GPC5: variants seen among roughly 807,000 people sequenced by gnomAD.
GPC5 encodes glypican 5.
A neutral mutation model predicts 53.9 loss-of-function variants in GPC5; 47 were observed. The ratio of observed to expected loss-of-function variants is 0.87; its 90% CI spans 0.69 to 1.11. The LOEUF (loss-of-function observed/expected upper bound fraction) is 1.11, where lower values mean the gene tolerates loss of function less well. Among genes scored for constraint, GPC5 ranks in the 50% most tolerant of loss-of-function variants. The pLI is 0.00. For synonymous variants in GPC5, 286 were observed against 263.3 expected (o/e 1.09, Z -0.84); for missense variants, 748 against 713.1 (o/e 1.05, Z -0.56).
chr13:92,456,627 C>T (rs759411049), intron 7 of GPC5, among the ~76,000 whole-genome samples: 29 of 152,116 alleles, frequency 1.9e-4, no homozygotes, highest in Non-Finnish European at 3.8e-4. Context: ...CCCTTGTGAG[C>T]GTGGGTCTCT....
chr13:91,463,337 G>T (rs1285954778), intron 2 of GPC5, among the ~76,000 whole-genome samples: 2 of 151,998 alleles, frequency 1.3e-5, no homozygotes, highest in Non-Finnish European at 2.9e-5. Flanking sequence ...TACATGGTTG[G>T]TTGAATCCAT....
At chr13:91,414,754 C>T (rs1446048675) in intron 1 of GPC5, among the ~76,000 whole-genome samples, 1 of 152,196 alleles carries the variant, frequency 6.6e-6, no homozygotes, top group African/African-American at 2.4e-5. Flanking sequence ...AAGGGAGAAA[C>T]TGACCATACT....
At chr13:92,184,433 A>AG (rs1413058387) in intron 7 of GPC5, among the ~76,000 whole-genome samples, 1 of 152,162 alleles carries the variant, frequency 6.6e-6, no homozygotes, top group Non-Finnish European at 1.5e-5. Context: ...TGAGGGTCTC[A>AG]GCTTTAGGGA....
intron 2 of GPC5, among the ~76,000 whole-genome samples, chr13:91,502,789 A>C (rs967720264): frequency 1.3e-5 from 2 of 152,152 alleles, no homozygotes; most frequent in Admixed American, 6.6e-5. Context: ...CCTTACCTTC[A>C]TTAGGGAAAT....
At chr13:91,732,879 A>G (rs1262296236) in intron 4 of GPC5, among the ~76,000 whole-genome samples, 1 of 152,012 alleles carries the variant, frequency 6.6e-6, no homozygotes, top group Non-Finnish European at 1.5e-5. Context: ...CCATTGGTCT[A>G]TATATTTGTT....
chr13:92,464,790 G>C (rs915376370), intron 7 of GPC5, among the ~76,000 whole-genome samples: 1 of 151,874 alleles, frequency 6.6e-6, no homozygotes, highest in African/African-American at 2.4e-5. Flanking sequence ...CTCAACGTGT[G>C]TTTGTTTATG....
At chr13:91,961,857 G>C (rs930914525) in intron 6 of GPC5, among the ~76,000 whole-genome samples, 17 of 152,050 alleles carry the variant, frequency 1.1e-4, no homozygotes, top group Admixed American at 1.0e-3. Context: ...TGATTGATGA[G>C]GAGGGAGACG....
At chr13:91,626,233 T>C (rs2033996913) in intron 2 of GPC5, among the ~76,000 whole-genome samples, 1 of 152,152 alleles carries the variant, frequency 6.6e-6, no homozygotes, top group Non-Finnish European at 1.5e-5. Flanking sequence ...TTTGTTACAC[T>C]GAACACAAAT....
At chr13:92,630,922 A>G (rs1885215218) in intron 7 of GPC5, among the ~76,000 whole-genome samples, 1 of 152,144 alleles carries the variant, frequency 6.6e-6, no homozygotes, top group South Asian at 2.1e-4. Context: ...TGGCAATATT[A>G]AAGATGAGGC....
chr13:91,745,440 G>A (rs369630111), intron 4 of GPC5, among the ~76,000 whole-genome samples: 1 of 60,404 alleles, frequency 1.7e-5, no homozygotes, highest in South Asian at 6.1e-4. Flanking sequence ...GGGTCTCTAA[G>A]GAGCCCACTC....
At chr13:92,420,036 A>G (rs1021404235) in intron 7 of GPC5, among the ~76,000 whole-genome samples, 1 of 152,098 alleles carries the variant, frequency 6.6e-6, no homozygotes, top group African/African-American at 2.4e-5. Context: ...TCTGTCTCCA[A>G]TTTGTTTCCA....
chr13:92,790,826 C>T (rs536478436), intron 7 of GPC5, among the ~76,000 whole-genome samples: 62 of 152,134 alleles, frequency 4.1e-4, no homozygotes, highest in South Asian at 1.5e-3. Context: ...ATTTGATTCT[C>T]CCTATGTGGT....
chr13:92,286,551 A>G (rs960188443), intron 7 of GPC5, among the ~76,000 whole-genome samples: 1 of 152,178 alleles, frequency 6.6e-6, no homozygotes, highest in African/African-American at 2.4e-5. Context: ...AATACTATAC[A>G]GCCATCAAAA....
chr13:92,471,250 C>T lies in GPC5; in HGVS notation c.1561+326261C>T, dbSNP rs1878899301. 2.0e-5 allele frequency among the ~76,000 whole-genome samples: 3 copies of T among 152,136 alleles called. No individual in the cohort carries two copies. In the South Asian group the frequency reaches 6.2e-4, roughly 32 times the overall value. On this transcript the variant is annotated intron_variant, in intron 7 of 7. Coordinates refer to ENST00000377067, the MANE Select transcript of GPC5 (RefSeq NM_004466.6). ...GTATTTCTTTATTTTTATTTTATAGCTTTCTATAGTTTTAATCATGTTTTT... is the reference window on the plus strand; with the variant it reads ...GTATTTCTTTATTTTTATTTTATAGTTTTCTATAGTTTTAATCATGTTTTT...
chr13:92,786,884 A>G (rs1176016506), intron 7 of GPC5, among the ~76,000 whole-genome samples: 2 of 152,100 alleles, frequency 1.3e-5, no homozygotes, highest in African/African-American at 4.8e-5. Context: ...AGCCAGATAC[A>G]CCGCATTCCA....
chr13:91,898,178 G>T (rs1469379734), intron 5 of GPC5, among the ~76,000 whole-genome samples: 1 of 152,054 alleles, frequency 6.6e-6, no homozygotes, highest in Non-Finnish European at 1.5e-5. Flanking sequence ...TATAAGAAAA[G>T]ATTATTTGTA....
At position 92,435,966 on chromosome 13, in the gene GPC5, C is replaced by T. The variant is rs919344796; in HGVS notation, c.1561+290977C>T. On this transcript the variant is annotated intron_variant, in intron 7 of 7. Transcript: ENST00000377067. ...GTACATGTAGGAACTATTAATGACT[C>T]TCTTTAAGATTTATATTTTTAATCA... Among the ~76,000 whole-genome samples the T allele has an allele frequency of 2.6e-5, 4 of 152,254 alleles. No homozygotes were observed. In the South Asian group the frequency reaches 6.2e-4, roughly 24 times the overall value.
At chr13:92,659,973 A>G (rs117777575) in intron 7 of GPC5, among the ~76,000 whole-genome samples, 4,596 of 152,302 alleles carry the variant, frequency 0.03, 99 homozygotes, top group East Asian at 0.082. Context: ...CTGCTTGTAT[A>G]TGAAACCATC....
At chr13:92,169,184 G>A (rs1566467077) in intron 7 of GPC5, among the ~76,000 whole-genome samples, 1 of 152,104 alleles carries the variant, frequency 6.6e-6, no homozygotes, top group Non-Finnish European at 1.5e-5. Flanking sequence ...TGTCAGGGGT[G>A]GGGTGGCGGG....
Sources: gnomAD v4.1 joint callset for allele counts (sites outside exome capture counted in the v4.1 genomes callset) on GRCh38, gnomAD v4.1.1 for gene constraint, MANE v1.5 for transcripts, NCBI Gene and HGNC (gene_info 2026-07-23, HGNC 2026-07-21) for gene names.